The following EIF2B5 variants were observed in gnomAD, a reference collection of about 807,000 sequenced individuals.
EIF2B5 encodes eukaryotic translation initiation factor 2B subunit epsilon.
EIF2B5 carries 38 observed loss-of-function variants against 87.3 expected under a neutral mutation model. The observed-to-expected ratio is 0.44, with a 90% CI of 0.34 to 0.57. EIF2B5 has a LOEUF of 0.57. EIF2B5 is among the 20% of genes least tolerant of loss of function. The pLI, the probability that EIF2B5 is intolerant of heterozygous loss-of-function variation, is 0.02. For synonymous variants in EIF2B5, 313 were observed against 339.6 expected, an observed-to-expected ratio of 0.92 and a Z score of 0.86; for missense variants, 784 against 909.5, an observed-to-expected ratio of 0.86 and a Z score of 1.78.
rs760327970 is a variant in EIF2B5, at chr3:184,137,778, A to G, written c.479A>G (p.Asn160Ser). The change falls in exon 3 of 16, where the codon AAT becomes AGT. Residue 160 changes from asparagine (N) to serine (S), a missense_variant. Physicochemically the swap from Asn to Ser is conservative, Grantham distance 46. Coordinates refer to ENST00000648915, the MANE Select transcript of EIF2B5 (RefSeq NM_003907.3). ...TATGGGGATGTCATCTCAAACATCAATATCACCAGAGCCCTTGAGGAACAC... is the reference window on the plus strand; with the variant it reads ...TATGGGGATGTCATCTCAAACATCAGTATCACCAGAGCCCTTGAGGAACAC... ...LVYGDVISNI[N>S]ITRALEEHRL... 20 of 1,614,110 alleles carry G rather than the reference A, an allele frequency of 1.2e-5. No homozygotes were observed. The Middle Eastern group carries it at 4.9e-4, about 40-fold the overall frequency.
rs778459929 is a variant in EIF2B5 at position 184,140,710 on chromosome 3, T to C, written c.1136T>C (p.Ile379Thr). 1.2e-6 allele frequency: 2 copies of C among 1,614,094 alleles called. No homozygotes were observed. Among genetic ancestry groups the C allele is most frequent in the Non-Finnish European group, 8.5e-7 (1 of 1,180,026 alleles). ...AATTGCTTTATCACCAACAGTGTCA[T>C]TGGCCCCGGCTGCCACATTGGTGAG... is the stretch of plus-strand genomic sequence containing the variant. ...GSNCFITNSV[I>T]GPGCHIGDNV... Residue 379 changes from isoleucine (I) to threonine (T), a missense_variant, in exon 7 of 16, where the codon ATT becomes ACT. By Grantham distance (89) the Ile-to-Thr change is moderately conservative. Transcript: ENST00000648915.
At chr3:184,137,565 C>T in intron 2 of EIF2B5, 55 bp from the exon 3 acceptor site, 5 of 1,582,066 alleles carry the variant, frequency 3.2e-6, no homozygotes, top group Non-Finnish European at 3.5e-6. Context: ...ATGGGGAAGG[C>T]TCAAATGATC....
rs202060468 is a variant in EIF2B5 at position 184,140,738 on chromosome 3, C to T, written c.1156+8C>T. 5 of 1,613,826 alleles carry T rather than the reference C, an allele frequency of 3.1e-6. No homozygotes were observed. In the East Asian group the frequency reaches 1.1e-4, roughly 36 times the overall value. On this transcript the variant is annotated splice_region_variant and intron_variant, in intron 7 of 15. Coordinates refer to ENST00000648915, the MANE Select transcript of EIF2B5 (RefSeq NM_003907.3). ...GCCCCGGCTGCCACATTGGTGAGCACAGGTGGGGAATCAAGCCAACTATCC... is the reference window on the plus strand; with the variant it reads ...GCCCCGGCTGCCACATTGGTGAGCATAGGTGGGGAATCAAGCCAACTATCC...
chr3:184,140,289 C>A, intron 6 of EIF2B5, 129 bp from the exon 7 acceptor site: 1 of 1,389,888 alleles, frequency 7.2e-7, no homozygotes, highest in Non-Finnish European at 1.0e-6. Flanking sequence ...ACAGGAGGAA[C>A]AGTACACAAA....
In EIF2B5 at chr3:184,137,981, A is replaced by G; in HGVS notation, c.590A>G (p.His197Arg). The change falls in exon 4 of 16, where the codon CAC becomes CGC. Residue 197 changes from histidine to arginine, a missense_variant. Coordinates refer to ENST00000648915, the MANE Select transcript of EIF2B5 (RefSeq NM_003907.3). ...ESSPSHPTRC[H>R]EDNVVVAVDS... ...TCCCCCAGCCACCCAACTCGTTGCC[A>G]CGAAGACAATGTGGTAGTGGCTGTG... 6.2e-7 allele frequency: 1 copy of G among 1,614,234 alleles called. No individual in the cohort carries two copies. Among genetic ancestry groups the G allele is most frequent in the East Asian group, 2.2e-5 (1 of 44,886 alleles).
intron 5 of EIF2B5, 43 bp downstream of exon 5, chr3:184,138,289 CT>C: frequency 6.4e-7 from 1 of 1,552,438 alleles, no homozygotes; most frequent in Non-Finnish European, 8.9e-7. Flanking sequence ...AAGAGTAGAA[CT>C]CTGTGGGTCT....
At chr3:184,137,162 A>G (rs1334619971) in intron 2 of EIF2B5, 1 of 339,188 alleles carries the variant, frequency 2.9e-6, no homozygotes, top group Non-Finnish European at 5.6e-6. Context: ...TATAGTGAGC[A>G]CTTACATGTT....
Position 184,143,459 on chromosome 3 carries a change from G to C in EIF2B5, c.1763G>C (p.Ser588Thr). Reference sequence around the variant, plus strand: ...CCCCACAGGTATGCCTATAACATAAGTCTAAAGGAGGTGATGCAGGTACTG... The same window carrying C: ...CCCCACAGGTATGCCTATAACATAACTCTAAAGGAGGTGATGCAGGTACTG... ...INSLKYAYNI[S>T]LKEVMQVLSH... Residue 588 changes from serine to threonine, a missense_variant, in exon 13 of 16, where the codon AGT (serine) becomes ACT (threonine). Physicochemically the swap from Ser to Thr is moderately conservative, Grantham distance 58. This residue lies in a region of EIF2B5 where 660 missense variants were observed against 789.5 expected (regional missense o/e 0.84). Transcript: ENST00000648915. 1 of 1,614,154 alleles carries C rather than the reference G, an allele frequency of 6.2e-7. No homozygotes were observed. Among genetic ancestry groups the C allele is most frequent in the African/African-American group, 1.3e-5 (1 of 75,018 alleles).
At chr3:184,139,969 G>A (rs1245486600) in intron 5 of EIF2B5, 111 bp from the exon 6 acceptor site, 1 of 788,698 alleles carries the variant, frequency 1.3e-6, no homozygotes, top group Non-Finnish European at 2.1e-6. Flanking sequence ...GTTGCAGTGA[G>A]CCGAGATCAT....
intron 1 of EIF2B5, chr3:184,135,871 A>G (rs961203166): frequency 1.4e-5 from 7 of 512,558 alleles, no homozygotes; most frequent in Non-Finnish European, 2.4e-5. Context: ...CAGTGCCCCT[A>G]GAAGAGGCTG....
intron 15 of EIF2B5, 42 bp from the exon 16 acceptor site, chr3:184,144,842 T>G (rs760321034): frequency 1.2e-6 from 2 of 1,608,550 alleles, no homozygotes; most frequent in Non-Finnish European, 1.7e-6. Context: ...AGGAGAGTTA[T>G]GTGCACCTCC....
At position 184,140,243 on chromosome 3, in the gene EIF2B5, A is replaced by G. The variant is rs28584345; in HGVS notation, c.843+86A>G. Reference sequence around the variant, plus strand: ...GCTGGTAACTTTTGATCTTTTTTGTATTTTATTGAGGCTTAGGAGGGAGGA... The same window carrying G: ...GCTGGTAACTTTTGATCTTTTTTGTGTTTTATTGAGGCTTAGGAGGGAGGA... On this transcript the variant is annotated intron_variant, in intron 6 of 15. Transcript: ENST00000648915. The G allele has an allele frequency of 4.3e-3, 6,315 of 1,482,824 alleles. 220 individuals are homozygous for G. The African/African-American group carries it at 0.075, about 18-fold the overall frequency. The allele number at this position is 1,482,824 out of a possible 1,614,324, so 91.9% of individuals were successfully genotyped here. A position where few individuals can be genotyped will look rare whatever the true frequency, so the allele number is the denominator to read the frequency against.
In EIF2B5 at chr3:184,144,102, C is replaced by G. The variant is rs777112655; in HGVS notation, c.1873C>G (p.Leu625Val). The change falls in exon 14 of 16, where the codon CTA (leucine) becomes GTA (valine). Residue 625 changes from leucine to valine, a missense_variant. Transcript: ENST00000648915. ...SRYCALLLPL[L>V]KAWSPVFRNY... ...AGCTCCCTTCTTTCTTCCATAGCTG[C>G]TAAAGGCCTGGAGCCCTGTTTTTAG... 12 of 1,614,228 alleles carry G rather than the reference C, an allele frequency of 7.4e-6. No individual in the cohort carries two copies. The highest frequency in any genetic ancestry group is 9.3e-6 in the Non-Finnish European group (11 of 1,180,040).
rs774920163 is a variant in EIF2B5 at position 184,137,922 on chromosome 3, T to A, written c.531T>A (p.Asn177Lys). The A allele has an allele frequency of 6.2e-7, 1 of 1,614,174 alleles. No homozygotes were observed. Among genetic ancestry groups the A allele is most frequent in the Non-Finnish European group, 8.5e-7 (1 of 1,180,042 alleles). ...GGTTGAGACGGAAGCTAGAAAAAAA[T>A]GTTTCTGTGATGACGATGATCTTCA... ...EHRLRRKLEK[N>K]VSVMTMIFKE... Residue 177 changes from asparagine (N) to lysine (K), a missense_variant, in exon 4 of 16, where the codon AAT (asparagine) becomes AAA (lysine). Asn to Lys is a moderately conservative substitution (Grantham distance 94). Coordinates refer to ENST00000648915, the MANE Select transcript of EIF2B5 (RefSeq NM_003907.3).
In EIF2B5 at chr3:184,145,141, G is replaced by A. The variant is rs1713813023; in HGVS notation, c.*198G>A. ...ATCCTGACTGTGGAGTTGGGATGTG[G>A]AAGTGGGGCTGGAACAAAGCTTCTG... is the stretch of plus-strand genomic sequence containing the variant. On this transcript the variant is annotated 3_prime_UTR_variant, in exon 16 of 16. Transcript: ENST00000648915. This position sits in a 1 kb window ranked among gnomAD's most constrained non-coding sequence, Gnocchi z 4.0. 1 of 648,092 alleles carries A rather than the reference G, an allele frequency of 1.5e-6. No homozygotes were observed. Among genetic ancestry groups the A allele is most frequent in the African/African-American group, 1.8e-5 (1 of 55,898 alleles). 40.1% of individuals were successfully genotyped at this position (648,092 alleles called of 1,614,324 possible).
In EIF2B5 at chr3:184,145,276, C is replaced by T. The variant is rs1713819151; in HGVS notation, c.*333C>T. 7.1e-6 allele frequency: 3 copies of T among 425,346 alleles called. No individual in the cohort carries two copies. Among genetic ancestry groups the T allele is most frequent in the South Asian group, 2.2e-5 (1 of 46,304 alleles). The allele number at this position is 425,346 out of a possible 1,614,324, so 26.3% of individuals were successfully genotyped here. A position where few individuals can be genotyped will look rare whatever the true frequency, so the allele number is the denominator to read the frequency against. On this transcript the variant is annotated 3_prime_UTR_variant, in exon 16 of 16. Transcript: ENST00000648915. The surrounding 1 kb of genome is among the most constrained non-coding windows in gnomAD (Gnocchi z 4.0). ...AGAGAGCAGTTGGCTCTTTCTGCTG[C>T]TTGTATATGTTAATATTAAAAGAGA... is the stretch of plus-strand genomic sequence containing the variant.
In EIF2B5 at chr3:184,144,111, T is replaced by C. The variant is rs28937596; in HGVS notation, c.1882T>C (p.Trp628Arg). The C allele has an allele frequency of 6.2e-7, 1 of 1,614,236 alleles. No homozygotes were observed. Among genetic ancestry groups the C allele is most frequent in the Non-Finnish European group, 8.5e-7 (1 of 1,180,046 alleles). Residue 628 changes from tryptophan (W) to arginine (R), a missense_variant, in exon 14 of 16, where the codon TGG becomes CGG. Trp to Arg is a moderately radical substitution (Grantham distance 101). Coordinates refer to ENST00000648915, the MANE Select transcript of EIF2B5 (RefSeq NM_003907.3). Reference sequence around the variant, plus strand: ...CTTTCTTCCATAGCTGCTAAAGGCCTGGAGCCCTGTTTTTAGGAACTACAT... The same window carrying C: ...CTTTCTTCCATAGCTGCTAAAGGCCCGGAGCCCTGTTTTTAGGAACTACAT... ...CALLLPLLKA[W>R]SPVFRNYIKR...
In EIF2B5 at chr3:184,144,701, T is replaced by C. The variant is rs370295827; in HGVS notation, c.2100T>C (p.Asn700=). 6.2e-7 allele frequency: 1 copy of C among 1,613,702 alleles called. No individual in the cohort carries two copies. Among genetic ancestry groups the C allele is most frequent in the Non-Finnish European group, 8.5e-7 (1 of 1,179,838 alleles). Residue 700 remains asparagine (N), a synonymous_variant, in exon 15 of 16, where the codon AAT becomes AAC. Transcript: ENST00000648915. The stretch of plus-strand genomic sequence containing the variant: ...ACAAGGGCCAGCAGTTGCGCAAGAA[T>C]CAACAGGTGCGTCAGGCTGTCCTCC... ...TTDKGQQLRK[N]QQLQRFIQWL...
chr3:184,140,843 AACT>A, intron 7 of EIF2B5, 113 bp downstream of exon 7: 2 of 1,260,880 alleles, frequency 1.6e-6, no homozygotes, highest in Non-Finnish European at 2.3e-6. Context: ...GGGAATAAGG[AACT>A]ATAGAGCGGC....
Sources: allele counts gnomAD v4.1 joint callset, GRCh38; gene constraint gnomAD v4.1.1; regional missense constraint gnomAD v4.1.1; non-coding constraint Gnocchi (gnomAD v3.1); transcripts MANE v1.5; gene names NCBI Gene and HGNC (gene_info 2026-07-23, HGNC 2026-07-21).